AKR1A1: variants seen among roughly 807,000 people sequenced by gnomAD.
AKR1A1 encodes aldo-keto reductase family 1 member A1, also known as HEL-S-165mP.
Under a neutral mutation model 39.2 loss-of-function variants are expected in AKR1A1, and 26 were observed. The ratio of observed to expected loss-of-function variants is 0.66; its 90% CI spans 0.49 to 0.92. AKR1A1 has a LOEUF of 0.92. Ranked by LOEUF, AKR1A1 falls within the 40% of genes least tolerant of loss-of-function variation. The pLI is 0.00. For synonymous variants in AKR1A1, 141 were observed against 155.5 expected (o/e 0.91, Z 0.69); for missense variants, 378 against 406.5 (o/e 0.93, Z 0.60).
chr1:45,555,571 A>C (rs936108637), intron 1 of AKR1A1, among the ~76,000 whole-genome samples: 1 of 152,218 alleles, frequency 6.6e-6, no homozygotes. Context: ...AGAGTTGATT[A>C]AAATATACAG....
intron 2 of AKR1A1, 62 bp downstream of exon 2, chr1:45,561,940 C>A: frequency 6.6e-7 from 1 of 1,526,568 alleles, no homozygotes; most frequent in Non-Finnish European, 9.1e-7. Context: ...TCCTAGCAGC[C>A]CCACCCCCAT....
At chr1:45,565,956 G>C (rs974891040) in intron 2 of AKR1A1, among the ~76,000 whole-genome samples, 1 of 151,986 alleles carries the variant, frequency 6.6e-6, no homozygotes, top group Admixed American at 6.6e-5. Flanking sequence ...GTAGATGCCG[G>C]GAAAATATTG....
At position 45,569,191 on chromosome 1, in the gene AKR1A1, C is replaced by G. The variant is rs768670748; in HGVS notation, c.874C>G (p.Leu292Val). Residue 292 changes from leucine (L) to valine (V), a missense_variant, in exon 8 of 9, where the codon CTG (leucine) becomes GTG (valine). Coordinates refer to ENST00000351829, the MANE Select transcript of AKR1A1 (RefSeq NM_153326.3). The stretch of plus-strand genomic sequence containing the variant: ...AGAAGAGATGAAGCAGCTAAATGCC[C>G]TGAACAAAAATTGGAGATATATTGT... The part of the protein sequence containing the change: ...SPEEMKQLNA[L>V]NKNWRYIVPM... 9.9e-6 allele frequency: 16 copies of G among 1,613,986 alleles called. No individual in the cohort carries two copies. In the South Asian group the frequency reaches 1.4e-4, roughly 14 times the overall value.
intron 2 of AKR1A1, among the ~76,000 whole-genome samples, chr1:45,563,263 G>A (rs1198661475): frequency 6.6e-6 from 1 of 151,968 alleles, no homozygotes; most frequent in Non-Finnish European, 1.5e-5. Flanking sequence ...AGCCAGGCGT[G>A]GTGGCACACA....
chr1:45,559,996 T>C (rs1394587521), intron 1 of AKR1A1, among the ~76,000 whole-genome samples: 2 of 150,518 alleles, frequency 1.3e-5, no homozygotes, highest in Non-Finnish European at 3.0e-5. Flanking sequence ...CTTCACTTTT[T>C]TTTTTTTTTG....
intron 4 of AKR1A1, 36 bp downstream of exon 4, chr1:45,567,056 G>T: frequency 1.9e-6 from 3 of 1,606,592 alleles, no homozygotes; most frequent in Non-Finnish European, 2.6e-6. Context: ...GGGAATCAGG[G>T]GGTTGAGCAG....
chr1:45,567,228 C>CA, intron 4 of AKR1A1: 1 of 642,950 alleles, frequency 1.6e-6, no homozygotes, highest in Non-Finnish European at 2.6e-6. Context: ...AAGGCAGTCT[C>CA]ACATGGTGTG....
At chr1:45,563,394 C>T (rs906285481) in intron 2 of AKR1A1, among the ~76,000 whole-genome samples, 7 of 151,298 alleles carry the variant, frequency 4.6e-5, no homozygotes, top group Non-Finnish European at 7.4e-5. Flanking sequence ...AGCAAGACTC[C>T]GTCTAGGGGG....
rs894952587 is a variant in AKR1A1 at position 45,551,022 on chromosome 1, G to C, written c.-140G>C. On this transcript the variant is annotated 5_prime_UTR_variant, in exon 1 of 9. Coordinates refer to ENST00000351829, the MANE Select transcript of AKR1A1 (RefSeq NM_153326.3). ...ACCCTGCGCGTGATCCTTTATGCCC[G>C]GCCCCTGCCCCTCCCTCCGGGTGGA... 6.6e-6 allele frequency: 1 copy of C among 152,624 alleles called. No individual in the cohort carries two copies. The highest frequency in any genetic ancestry group is 2.4e-5 in the African/African-American group (1 of 41,462). 9.5% of individuals were successfully genotyped at this position (152,624 alleles called of 1,614,324 possible).
chr1:45,554,111 A>C (rs1170574185), intron 1 of AKR1A1, among the ~76,000 whole-genome samples: 1 of 152,076 alleles, frequency 6.6e-6, no homozygotes, highest in Non-Finnish European at 1.5e-5. Flanking sequence ...AGGGGGCAAC[A>C]CAGTGAGACC....
chr1:45,566,425 G>A (rs1644344381), intron 2 of AKR1A1, 144 bp from the exon 3 acceptor site: 1 of 1,306,596 alleles, frequency 7.7e-7, no homozygotes, highest in Admixed American at 2.2e-5. Context: ...ACCGCGCCCA[G>A]TTCATCTTCC....
At chr1:45,559,927 G>A (rs982789028) in intron 1 of AKR1A1, among the ~76,000 whole-genome samples, 1 of 151,506 alleles carries the variant, frequency 6.6e-6, no homozygotes, top group Non-Finnish European at 1.5e-5. Flanking sequence ...GATTACAGGC[G>A]TGAGCCACTG....
chr1:45,566,067 G>T (rs1205491687), intron 2 of AKR1A1, among the ~76,000 whole-genome samples: 2 of 152,106 alleles, frequency 1.3e-5, no homozygotes, highest in Non-Finnish European at 2.9e-5. Flanking sequence ...CTCTGAAGAG[G>T]CTTCTGGTCC....
chr1:45,561,585 G>C (rs1644278075), intron 1 of AKR1A1, among the ~76,000 whole-genome samples: 1 of 152,110 alleles, frequency 6.6e-6, no homozygotes, highest in African/African-American at 2.4e-5. Flanking sequence ...TGTATTTTTA[G>C]TAGAGATGGG....
At chr1:45,560,386 C>A (rs1399508914) in intron 1 of AKR1A1, among the ~76,000 whole-genome samples, 1 of 152,150 alleles carries the variant, frequency 6.6e-6, no homozygotes, top group African/African-American at 2.4e-5. Context: ...GCTGAAGTGG[C>A]TGGATAGCTT....
intron 4 of AKR1A1, 184 bp downstream of exon 4, chr1:45,567,204 ACT>A: frequency 2.5e-6 from 2 of 791,322 alleles, no homozygotes; most frequent in Non-Finnish European, 3.8e-6. Flanking sequence ...CAGGAGTTTA[ACT>A]CTGGAAAAAG....
intron 1 of AKR1A1, among the ~76,000 whole-genome samples, chr1:45,553,060 G>A (rs1262211213): frequency 1.3e-5 from 2 of 151,584 alleles, no homozygotes; most frequent in African/African-American, 4.9e-5. Flanking sequence ...GGGAAGCAGA[G>A]ATTGCAGTGA....
intron 1 of AKR1A1, among the ~76,000 whole-genome samples, chr1:45,557,418 G>C (rs1237413984): frequency 1.3e-5 from 2 of 152,114 alleles, no homozygotes; most frequent in Non-Finnish European, 2.9e-5. Context: ...GGGAGCTCTT[G>C]TTCTTTGCAG....
At chr1:45,565,672 A>C (rs11809078) in intron 2 of AKR1A1, among the ~76,000 whole-genome samples, 1 of 147,736 alleles carries the variant, frequency 6.8e-6, no homozygotes, top group Non-Finnish European at 1.5e-5. Context: ...AAAGAATTTC[A>C]CCATGTTGGC....
Sources: allele counts gnomAD v4.1 joint callset (sites outside exome capture counted in the v4.1 genomes callset), GRCh38; gene constraint gnomAD v4.1.1; transcripts MANE v1.5; gene names NCBI Gene and HGNC (gene_info 2026-07-23, HGNC 2026-07-21).